Variants in ADAM10 observed in about 807,000 individuals in gnomAD.
The protein encoded by ADAM10 is disintegrin and metalloproteinase domain-containing protein 10.
In ADAM10, 17 loss-of-function variants were observed where a neutral mutation model predicts 90.1. The ratio of observed to expected loss-of-function variants is 0.19; its 90% confidence interval spans 0.13 to 0.28. ADAM10 has a LOEUF of 0.28. ADAM10 is among the 10% of genes least tolerant of loss of function. ADAM10 has a pLI of 1.00. For synonymous variants in ADAM10, 310 were observed against 298.6 expected, an observed-to-expected ratio of 1.04 and a Z score of -0.40; for missense variants, 610 against 914.3, an observed-to-expected ratio of 0.67 and a Z score of 4.29.
intron 5 of ADAM10, chr15:58,655,411 G>A (rs1896782682): frequency 6.5e-6 from 1 of 153,636 alleles, no homozygotes; most frequent in African/African-American, 2.4e-5. Flanking sequence ...GAGCAAGCAA[G>A]AGTGTCTGTG....
At chr15:58,655,696 GTATATA>G (rs1245391987) in intron 5 of ADAM10, among the ~76,000 whole-genome samples, 2 of 68,258 alleles carry the variant, frequency 2.9e-5, no homozygotes, top group Non-Finnish European at 4.8e-5. Flanking sequence ...ATTATATATA[GTATATA>G]TATATATAGT....
chr15:58,651,761 T>C (rs549643615), intron 5 of ADAM10, among the ~76,000 whole-genome samples: 2 of 152,288 alleles, frequency 1.3e-5, no homozygotes, highest in East Asian at 3.9e-4. Context: ...TTCGGGTAGA[T>C]GTGCAGCAGT....
intron 10 of ADAM10, among the ~76,000 whole-genome samples, chr15:58,624,963 T>A (rs530782491): frequency 1.6e-4 from 25 of 152,188 alleles, no homozygotes; most frequent in Admixed American, 5.9e-4. Flanking sequence ...TTTCAGAAGG[T>A]TTACTGTGAA....
At chr15:58,616,523 C>T (rs1895621782) in intron 11 of ADAM10, among the ~76,000 whole-genome samples, 1 of 152,130 alleles carries the variant, frequency 6.6e-6, no homozygotes, top group Admixed American at 6.5e-5. Flanking sequence ...CAACTTGCTT[C>T]TGAACAACCA....
intron 4 of ADAM10, among the ~76,000 whole-genome samples, chr15:58,678,459 T>C (rs1214995000): frequency 6.6e-6 from 1 of 152,156 alleles, no homozygotes; most frequent in African/African-American, 2.4e-5. Context: ...TAAATGGGTA[T>C]TCAAGAGCTA....
chr15:58,679,116 G>A lies in ADAM10; in HGVS notation c.484+8C>T, dbSNP rs766779299. The A allele has an allele frequency of 3.8e-5, 61 of 1,612,320 alleles. 1 individual carries two copies. The Admixed American group carries it at 1.0e-3, about 27-fold the overall frequency. ...AAAAAGGCTACTTGATAAAACTTAA[G>A]TACTTACTAATATCATCTTCATGAT... On this transcript the variant is annotated splice_region_variant and intron_variant, in intron 4 of 15. Coordinates refer to ENST00000260408, the MANE Select transcript of ADAM10 (RefSeq NM_001110.4).
At position 58,659,339 on chromosome 15, in the gene ADAM10, A is replaced by G. The variant is rs184134291; in HGVS notation, c.585+5758T>C. ...AAAAGGACTTAGTCTCTCACTTTTA[A>G]GCATGGTATCAGCTGTAGGTTTTTT... On this transcript the variant is annotated intron_variant, in intron 5 of 15. Transcript: ENST00000260408. 2.6e-5 allele frequency among the ~76,000 whole-genome samples: 4 copies of G among 152,286 alleles called. No homozygotes were observed. In the East Asian group the frequency reaches 7.7e-4, roughly 29 times the overall value.
intron 14 of ADAM10, among the ~76,000 whole-genome samples, chr15:58,607,089 A>C (rs1171689273): frequency 3.3e-5 from 5 of 152,188 alleles, no homozygotes; most frequent in Non-Finnish European, 7.4e-5. Flanking sequence ...AAATGTAAAA[A>C]CCGTTCTTAG....
chr15:58,731,620 C>T (rs138999513), intron 1 of ADAM10, among the ~76,000 whole-genome samples: 156 of 151,868 alleles, frequency 1.0e-3, no homozygotes, highest in African/African-American at 3.4e-3. Context: ...AGAGTGAGAC[C>T]CTGTCTCAAA....
intron 5 of ADAM10, among the ~76,000 whole-genome samples, chr15:58,662,232 C>T (rs1325988245): frequency 1.3e-5 from 2 of 152,116 alleles, no homozygotes; most frequent in Non-Finnish European, 2.9e-5. Flanking sequence ...AGCAGTTTGA[C>T]ATTTTTGAGG....
chr15:58,713,595 T>C (rs1407497183), intron 2 of ADAM10, among the ~76,000 whole-genome samples: 3 of 152,222 alleles, frequency 2.0e-5, no homozygotes, highest in African/African-American at 7.2e-5. Context: ...TCAGAACTTA[T>C]TCAGTGATTT....
intron 1 of ADAM10, among the ~76,000 whole-genome samples, chr15:58,729,081 T>C (rs1162078680): frequency 1.3e-5 from 2 of 152,140 alleles, no homozygotes; most frequent in African/African-American, 4.8e-5. Flanking sequence ...ATATGAGCCA[T>C]GTGCAGTGGC....
chr15:58,671,016 T>C (rs1897179857), intron 4 of ADAM10, among the ~76,000 whole-genome samples: 2 of 152,166 alleles, frequency 1.3e-5, no homozygotes, highest in Non-Finnish European at 2.9e-5. Flanking sequence ...CATATCACCT[T>C]GATTTCATTT....
At chr15:58,733,538 C>T (rs1439397024) in intron 1 of ADAM10, among the ~76,000 whole-genome samples, 2 of 151,950 alleles carry the variant, frequency 1.3e-5, no homozygotes, top group African/African-American at 4.8e-5. Context: ...CCCTTTAAAA[C>T]AAAAATAAAG....
rs977618471 is a variant in ADAM10, at chr15:58,685,523, T to A, written c.207-3209A>T. 7.5e-4 allele frequency among the ~76,000 whole-genome samples: 104 copies of A among 139,486 alleles called. 2 individuals carry two copies. Among genetic ancestry groups the A allele is most frequent in the East Asian group, 6.0e-4 (3 of 4,998 alleles). 91.5% of individuals were successfully genotyped at this position (139,486 alleles called of 152,430 possible). A position where few individuals can be genotyped will look rare whatever the true frequency, so the allele number is the denominator to read the frequency against. ...AAGAATATAGTACGTTACCTTTTTT[T>A]AAAAACAAGAATATGAAGGAGAATA... On this transcript the variant is annotated intron_variant, in intron 2 of 15. Coordinates refer to ENST00000260408, the MANE Select transcript of ADAM10 (RefSeq NM_001110.4).
chr15:58,640,696 T>A, intron 8 of ADAM10, 81 bp downstream of exon 8: 1 of 1,346,308 alleles, frequency 7.4e-7, no homozygotes. Flanking sequence ...CTTTCTCCTA[T>A]ACTTTGAAAA....
chr15:58,592,266 G>T lies in ADAM10; in HGVS notation c.*5281C>A. Reference sequence around the variant, plus strand: ...TGTCTAGATCCATAAATTGTTGGGGGGGTAAAATGGTGATATCCTAATTCT... The same window carrying T: ...TGTCTAGATCCATAAATTGTTGGGGTGGTAAAATGGTGATATCCTAATTCT... On this transcript the variant is annotated 3_prime_UTR_variant, in exon 16 of 16. Coordinates refer to ENST00000260408, the MANE Select transcript of ADAM10 (RefSeq NM_001110.4). 1 of 152,134 alleles carries T rather than the reference G, an allele frequency of 6.6e-6. No individual in the cohort carries two copies. Among genetic ancestry groups the T allele is most frequent in the Non-Finnish European group, 1.5e-5 (1 of 68,030 alleles). The allele number at this position is 152,134 out of a possible 1,614,324, so 9.4% of individuals were successfully genotyped here. A position where few individuals can be genotyped will look rare whatever the true frequency, so the allele number is the denominator to read the frequency against.
Position 58,749,539 on chromosome 15 carries a change from C to T in ADAM10, c.-5G>A, listed in dbSNP as rs1252148768. 1 of 1,551,708 alleles carries T rather than the reference C, an allele frequency of 6.4e-7. No homozygotes were observed. Among genetic ancestry groups the T allele is most frequent in the Admixed American group, 2.0e-5 (1 of 51,192 alleles). On this transcript the variant is annotated 5_prime_UTR_variant, in exon 1 of 16. Coordinates refer to ENST00000260408, the MANE Select transcript of ADAM10 (RefSeq NM_001110.4). The stretch of plus-strand genomic sequence containing the variant: ...TAACACTCTCAGCAACACCATCTTC[C>T]GCTGCCGCTGCCGCCGCCGCCGCCT...
chr15:58,711,058 C>CA (rs1898457193), intron 2 of ADAM10, among the ~76,000 whole-genome samples: 1 of 152,150 alleles, frequency 6.6e-6, no homozygotes, highest in Non-Finnish European at 1.5e-5. Context: ...TCCCAAACCA[C>CA]AAAGAAAACT....
Sources: allele counts gnomAD v4.1 joint callset (sites outside exome capture counted in the v4.1 genomes callset), GRCh38; gene constraint gnomAD v4.1.1; transcripts MANE v1.5; gene names NCBI Gene and HGNC (gene_info 2026-07-23, HGNC 2026-07-21).